TAF1C: variants seen among roughly 807,000 people sequenced by gnomAD.
TAF1C encodes TATA box-binding protein-associated factor RNA polymerase I subunit C.
TAF1C carries 79 observed loss-of-function variants against 70.5 expected under a neutral mutation model. That is an observed-to-expected ratio of 1.12 (90% confidence interval 0.93 to 1.35). The LOEUF is 1.35. TAF1C is among the 40% of genes most tolerant of loss of function. The pLI, the probability that TAF1C is intolerant of heterozygous loss-of-function variation, is 0.00. For missense variants in TAF1C, 1,412 were observed against 1,127.8 expected, an observed-to-expected ratio of 1.25 and a Z score of -3.61; for synonymous variants, 614 against 491.1, an observed-to-expected ratio of 1.25 and a Z score of -3.31.
chr16:84,181,349 TCC>T lies in TAF1C; in HGVS notation c.1141_1142del (p.Gly381SerfsTer145). ...GTACCTGAGTGTCCAGCATCTTCAC[TCC>T]GGTGCGGTCACCCACGGTCAGCACC... ...PRVLTVGDRTGVKMLDTQGPP... is the reference protein window; with the variant it reads ...PRVLTVGDRTXVKMLDTQGPP... On this transcript the variant is annotated frameshift_variant, in exon 11 of 15. Transcript: ENST00000566732. LOFTEE classifies it high-confidence loss of function. 1 of 1,613,560 alleles carries T rather than the reference TCC, an allele frequency of 6.2e-7. No individual in the cohort carries two copies. The highest frequency in any genetic ancestry group is 8.5e-7 in the Non-Finnish European group (1 of 1,179,930).
intron 12 of TAF1C, 110 bp from the exon 13 acceptor site, chr16:84,180,454 G>A: frequency 8.7e-7 from 1 of 1,146,310 alleles, no homozygotes; most frequent in Non-Finnish European, 1.2e-6. Context: ...CTGAGGGGCA[G>A]CAGCATCTCC....
chr16:84,183,842 A>G, intron 2 of TAF1C, 64 bp from the exon 3 acceptor site: 4 of 1,261,778 alleles, frequency 3.2e-6, no homozygotes, highest in Non-Finnish European at 3.4e-6. Flanking sequence ...CAGGCTGTGC[A>G]CAGGCATTCA....
chr16:84,180,986 T>A (rs2089146553), intron 12 of TAF1C, 57 bp downstream of exon 12: 4 of 1,546,496 alleles, frequency 2.6e-6, no homozygotes, highest in African/African-American at 1.4e-5. Flanking sequence ...CAGCAGCCTC[T>A]AGTGACCATC....
chr16:84,185,782 C>A (rs2089448146), intron 1 of TAF1C, among the ~76,000 whole-genome samples: 1 of 152,266 alleles, frequency 6.6e-6, no homozygotes, highest in South Asian at 2.1e-4. Flanking sequence ...TGCCTGTAAT[C>A]CCAGCTACTC....
rs912170734 is a variant in TAF1C, at chr16:84,177,998, G to A, written c.*943C>T. On this transcript the variant is annotated 3_prime_UTR_variant, in exon 15 of 15. Transcript: ENST00000566732. ...CCTTTCACCAGCCAACCTGAAAAAA[G>A]ACCTTTCTCTTACTATGTCATCAGA... The A allele has an allele frequency of 1.4e-6, 1 of 698,364 alleles. No individual in the cohort carries two copies. Among genetic ancestry groups the A allele is most frequent in the Non-Finnish European group, 2.6e-6 (1 of 390,958 alleles). 43.3% of individuals were successfully genotyped at this position (698,364 alleles called of 1,614,324 possible). A position where few individuals can be genotyped will look rare whatever the true frequency, so the allele number is the denominator to read the frequency against.
Position 84,183,458 on chromosome 16 carries a change from C to T in TAF1C, c.270G>A (p.Gly90=). ...CTCGGGGCCGCTTCCGATACCGGCA[C>T]CCTCCGCGGAAAAGCAGGTCCCGGG... ...LTARDLLFRG[G]CRYRKRPRVV... The change falls in exon 4 of 15, where the codon GGG becomes GGA. Residue 90 remains glycine, a synonymous_variant. Transcript: ENST00000566732. The T allele has an allele frequency of 1.9e-6, 3 of 1,612,104 alleles. No individual in the cohort carries two copies. Among genetic ancestry groups the T allele is most frequent in the Admixed American group, 1.7e-5 (1 of 59,744 alleles).
chr16:84,178,733 G>A lies in TAF1C; in HGVS notation c.*208C>T, dbSNP rs555816998. 134 of 611,552 alleles carry A rather than the reference G, an allele frequency of 2.2e-4. No homozygotes were observed. In the African/African-American group the frequency reaches 2.3e-3, roughly 11 times the overall value. The allele number at this position is 611,552 out of a possible 1,614,324, so 37.9% of individuals were successfully genotyped here. On this transcript the variant is annotated 3_prime_UTR_variant, in exon 15 of 15. Transcript: ENST00000566732. ...AGCCTGCCTTGCGGGATGATCTTCA[G>A]GCGAATATACAAAATACAAAAGAAA...
chr16:84,185,871 G>C (rs894051584), intron 1 of TAF1C, among the ~76,000 whole-genome samples: 8 of 152,064 alleles, frequency 5.3e-5, no homozygotes, highest in Non-Finnish European at 1.0e-4. Context: ...TTGCACTGTA[G>C]CCTGGGCAAC....
chr16:84,181,809 T>C lies in TAF1C; in HGVS notation c.893A>G (p.Gln298Arg). 6.2e-7 allele frequency: 1 copy of C among 1,614,166 alleles called. No individual in the cohort carries two copies. The highest frequency in any genetic ancestry group is 8.5e-7 in the Non-Finnish European group (1 of 1,180,036). Residue 298 changes from glutamine to arginine, a missense_variant, in exon 9 of 15, where the codon CAG becomes CGG. Gln to Arg is a conservative substitution (Grantham distance 43, BLOSUM62 1). Transcript: ENST00000566732. ...TGCCTGCAGAAGGGTTGGCTGCCAC[T>C]GTTTACCAAACTTCCACACGGCACA... ...YHCAVWKFGK[Q>R]WQPTLLQAMQ...
At position 84,178,345 on chromosome 16, in the gene TAF1C, A is replaced by G. The variant is rs2088861243; in HGVS notation, c.*596T>C. 2.2e-6 allele frequency: 1 copy of G among 456,742 alleles called. No individual in the cohort carries two copies. The highest frequency in any genetic ancestry group is 4.4e-6 in the Non-Finnish European group (1 of 227,160). The allele number at this position is 456,742 out of a possible 1,614,324, so 28.3% of individuals were successfully genotyped here. A position where few individuals can be genotyped will look rare whatever the true frequency, so the allele number is the denominator to read the frequency against. On this transcript the variant is annotated 3_prime_UTR_variant, in exon 15 of 15. Coordinates refer to ENST00000566732, the MANE Select transcript of TAF1C (RefSeq NM_001243156.2). ...AGTGTCAGGTAGTAGCTGTGGCGGGACGCTGTCCAGCCTAAAAAACGTGAC... is the reference window on the plus strand; with the variant it reads ...AGTGTCAGGTAGTAGCTGTGGCGGGGCGCTGTCCAGCCTAAAAAACGTGAC...
Position 84,179,239 on chromosome 16 carries a change from T to C in TAF1C, c.2234A>G (p.Asp745Gly), listed in dbSNP as rs2088942110. The part of the protein sequence containing the change: ...SLSGHVDPSE[D>G]TSSPHSPEWP... The stretch of plus-strand genomic sequence containing the variant: ...CTCAGGGCTATGAGGGGAGCTGGTG[T>C]CCTCTGAGGGATCCACATGGCCACT... The change falls in exon 15 of 15, where the codon GAC (aspartate) becomes GGC (glycine). Residue 745 changes from aspartate to glycine, a missense_variant. By Grantham distance (94) the Asp-to-Gly change is moderately conservative. Coordinates refer to ENST00000566732, the MANE Select transcript of TAF1C (RefSeq NM_001243156.2). The C allele has an allele frequency of 1.9e-6, 3 of 1,584,440 alleles. No homozygotes were observed. The highest frequency in any genetic ancestry group is 2.6e-6 in the Non-Finnish European group (3 of 1,171,762).
In TAF1C at chr16:84,178,497, G is replaced by A. The variant is rs984957484; in HGVS notation, c.*444C>T. The A allele has an allele frequency of 1.6e-4, 73 of 461,110 alleles. 1 individual carries two copies. Among genetic ancestry groups the A allele is most frequent in the South Asian group, 5.4e-4 (35 of 64,544 alleles). The allele number at this position is 461,110 out of a possible 1,614,324, so 28.6% of individuals were successfully genotyped here. ...GCAACCCACAACAGCAGCTGCCAAC[G>A]GCCGCTGTGCCCACCTCATCAGCAG... is the stretch of plus-strand genomic sequence containing the variant. On this transcript the variant is annotated 3_prime_UTR_variant, in exon 15 of 15. Transcript: ENST00000566732.
In TAF1C at chr16:84,182,147, C is replaced by T. The variant is rs2089235927; in HGVS notation, c.721+55G>A. On this transcript the variant is annotated intron_variant, in intron 7 of 14. Transcript: ENST00000566732. The surrounding 1 kb of genome is among the most constrained non-coding windows in gnomAD (Gnocchi z 5.0). ...CCTTCTCTGGACCATGCCAAGAGCA[C>T]CTCCTCTACCAGAGGCGAGCCCGCT... The T allele has an allele frequency of 6.3e-7, 1 of 1,590,310 alleles. No individual in the cohort carries two copies. The highest frequency in any genetic ancestry group is 8.6e-7 in the Non-Finnish European group (1 of 1,166,618).
At position 84,178,044 on chromosome 16, in the gene TAF1C, C is replaced by G. The variant is rs546396859; in HGVS notation, c.*897G>C. The G allele has an allele frequency of 3.5e-6, 2 of 569,768 alleles. No homozygotes were observed. Among genetic ancestry groups the G allele is most frequent in the East Asian group, 6.6e-5 (2 of 30,526 alleles). 35.3% of individuals were successfully genotyped at this position (569,768 alleles called of 1,614,324 possible). On this transcript the variant is annotated 3_prime_UTR_variant, in exon 15 of 15. Transcript: ENST00000566732. ...TCAGAAACCAGACAGACCCGGGTCC[C>G]TGCAAAATCTCAAGTGAGCATTTTC...
chr16:84,180,540 G>C lies in TAF1C; in HGVS notation c.1309-196C>G, dbSNP rs567386897. 1.3e-4 allele frequency: 80 copies of C among 632,080 alleles called. No homozygotes were observed. The African/African-American group carries it at 1.4e-3, about 11-fold the overall frequency. 39.2% of individuals were successfully genotyped at this position (632,080 alleles called of 1,614,324 possible). On this transcript the variant is annotated intron_variant, in intron 12 of 14. Transcript: ENST00000566732. ...GCCGCTTCCTTCACCAATTCTGACC[G>C]ACAGTCCGGTGGACAGACAGAACAA...
At chr16:84,183,933 C>A (rs903637931) in intron 2 of TAF1C, among the ~76,000 whole-genome samples, 155 bp from the exon 3 acceptor site, 1 of 152,220 alleles carries the variant, frequency 6.6e-6, no homozygotes, top group Non-Finnish European at 1.5e-5. Flanking sequence ...GCTGAAGAAA[C>A]TGAGGCACAC....
At chr16:84,183,606 C>T (rs2089326829) in intron 3 of TAF1C, 91 bp downstream of exon 3, 1 of 1,546,318 alleles carries the variant, frequency 6.5e-7, no homozygotes, top group Admixed American at 1.7e-5. Context: ...CAGGCACAGG[C>T]TTAGCAGGGA....
Position 84,181,024 on chromosome 16 carries a change from G to T in TAF1C, c.1308+19C>A. On this transcript the variant is annotated intron_variant, in intron 12 of 14. Transcript: ENST00000566732. ...AGACAGAGCAGAGGTGGGGCGGGGC[G>T]GTGTTGTGTGCCACTCACCTGGGTA... The T allele has an allele frequency of 2.5e-6, 4 of 1,591,306 alleles. No homozygotes were observed. Among genetic ancestry groups the T allele is most frequent in the Non-Finnish European group, 3.4e-6 (4 of 1,162,306 alleles).
rs763080173 is a variant in TAF1C at position 84,183,664 on chromosome 16, T to C, written c.220+33A>G. On this transcript the variant is annotated intron_variant, in intron 3 of 14. Coordinates refer to ENST00000566732, the MANE Select transcript of TAF1C (RefSeq NM_001243156.2). ...GCAGTGGGAAGAATAGGTGGAGCAGTGTGGAGTGAGCCCGGGGGAATGAGA... is the reference window on the plus strand; with the variant it reads ...GCAGTGGGAAGAATAGGTGGAGCAGCGTGGAGTGAGCCCGGGGGAATGAGA... The C allele has an allele frequency of 5.0e-6, 8 of 1,593,598 alleles. 1 individual carries two copies. In the South Asian group the frequency reaches 8.9e-5, roughly 18 times the overall value.
Sources: allele counts gnomAD v4.1 joint callset (sites outside exome capture counted in the v4.1 genomes callset), GRCh38; gene constraint gnomAD v4.1.1; non-coding constraint Gnocchi (gnomAD v3.1); transcripts MANE v1.5; gene names NCBI Gene and HGNC (gene_info 2026-07-23, HGNC 2026-07-21).